The following PPFIBP1 variants were observed in gnomAD, a reference collection of about 807,000 sequenced individuals.
PPFIBP1 encodes the protein PPFIB scaffold protein 1.
Under a neutral mutation model 137.8 loss-of-function variants are expected in PPFIBP1, and 112 were observed. That is an observed-to-expected ratio of 0.81 (90% confidence interval 0.70 to 0.95). PPFIBP1 has a LOEUF of 0.95. PPFIBP1 is among the 40% of genes least tolerant of loss of function. The pLI, the probability that PPFIBP1 is intolerant of heterozygous loss-of-function variation, is 0.00. For synonymous variants in PPFIBP1, 378 were observed against 417.3 expected, an observed-to-expected ratio of 0.91 and a Z score of 1.15; for missense variants, 1,083 against 1,196.6, an observed-to-expected ratio of 0.91 and a Z score of 1.40.
chr12:27,604,108 A>G (rs1300829926), intron 2 of PPFIBP1, among the ~76,000 whole-genome samples: 3 of 152,152 alleles, frequency 2.0e-5, no homozygotes, highest in Admixed American at 2.0e-4. Flanking sequence ...GGTGGAAGTA[A>G]GAGGTGGAAA....
intron 2 of PPFIBP1, among the ~76,000 whole-genome samples, chr12:27,591,918 C>A (rs886208559): frequency 1.3e-5 from 2 of 152,238 alleles, no homozygotes; most frequent in African/African-American, 2.4e-5. Flanking sequence ...TCAAGCCCTG[C>A]AAGTTCAAGC....
intron 1 of PPFIBP1, among the ~76,000 whole-genome samples, chr12:27,533,892 G>A (rs57790478): frequency 0.013 from 1,944 of 152,276 alleles, 39 homozygotes; most frequent in African/African-American, 0.044. Context: ...GAAGCACAAC[G>A]TAAGTGAACT....
chr12:27,545,168 G>A (rs1946099426), intron 1 of PPFIBP1, among the ~76,000 whole-genome samples: 1 of 151,850 alleles, frequency 6.6e-6, no homozygotes, highest in Non-Finnish European at 1.5e-5. Context: ...TCACTCATAA[G>A]TGGAAGTTGA....
At chr12:27,569,561 T>C (rs1175713344) in intron 1 of PPFIBP1, among the ~76,000 whole-genome samples, 1 of 152,136 alleles carries the variant, frequency 6.6e-6, no homozygotes, top group Non-Finnish European at 1.5e-5. Context: ...CATTTTTTTG[T>C]TTGTTTGTTT....
At chr12:27,603,598 A>G (rs1268361391) in intron 2 of PPFIBP1, among the ~76,000 whole-genome samples, 1 of 152,196 alleles carries the variant, frequency 6.6e-6, no homozygotes, top group Non-Finnish European at 1.5e-5. Flanking sequence ...AGGAAGTGTC[A>G]GCATCTGCCA....
At chr12:27,599,728 C>T (rs2053756519) in intron 2 of PPFIBP1, among the ~76,000 whole-genome samples, 1 of 152,174 alleles carries the variant, frequency 6.6e-6, no homozygotes, top group South Asian at 2.1e-4. Flanking sequence ...GGCACAGCAT[C>T]GTTTCTGTGG....
chr12:27,608,414 T>C (rs1195637166), intron 2 of PPFIBP1, among the ~76,000 whole-genome samples: 1 of 152,232 alleles, frequency 6.6e-6, no homozygotes, highest in Non-Finnish European at 1.5e-5. Flanking sequence ...TACTGTGCTT[T>C]CTGTTATAGG....
intron 1 of PPFIBP1, among the ~76,000 whole-genome samples, chr12:27,535,671 T>C (rs184357693): frequency 4.3e-4 from 65 of 152,356 alleles, no homozygotes; most frequent in African/African-American, 1.5e-3. Context: ...GATGCTGGTA[T>C]TGCAGGCGTG....
At chr12:27,527,679 G>A (rs998333553) in intron 1 of PPFIBP1, among the ~76,000 whole-genome samples, 7 of 151,992 alleles carry the variant, frequency 4.6e-5, no homozygotes, top group African/African-American at 7.3e-5. Context: ...AAGAAACGTC[G>A]CTTCAAGGCG....
At position 27,661,519 on chromosome 12, in the gene PPFIBP1, G is replaced by A. The variant is rs375637750; in HGVS notation, c.906+574G>A. Reference sequence around the variant, plus strand: ...TCTTGTTATCCACATGTGATGTTTCGTCCTGCTAAGGGCAGGGATGCAGTT... The same window carrying A: ...TCTTGTTATCCACATGTGATGTTTCATCCTGCTAAGGGCAGGGATGCAGTT... On this transcript the variant is annotated intron_variant, in intron 11 of 29. Coordinates refer to ENST00000228425, the MANE Select transcript of PPFIBP1 (RefSeq NM_003622.4). Among the ~76,000 whole-genome samples the A allele has an allele frequency of 2.1e-4, 32 of 152,198 alleles. No individual in the cohort carries two copies. In the East Asian group the frequency reaches 4.2e-3, roughly 20 times the overall value.
At chr12:27,607,568 A>G (rs2054648115) in intron 2 of PPFIBP1, among the ~76,000 whole-genome samples, 1 of 152,164 alleles carries the variant, frequency 6.6e-6, no homozygotes, top group Non-Finnish European at 1.5e-5. Flanking sequence ...AAAGTTCCTG[A>G]TTCAGTAGGT....
intron 2 of PPFIBP1, among the ~76,000 whole-genome samples, chr12:27,632,103 T>A (rs896414603): frequency 2.6e-5 from 4 of 152,192 alleles, no homozygotes; most frequent in African/African-American, 9.7e-5. Flanking sequence ...GGTAGTGATA[T>A]TTTTCACCTT....
chr12:27,552,453 T>C (rs1013137968), intron 1 of PPFIBP1: 5 of 152,266 alleles, frequency 3.3e-5, no homozygotes, highest in Non-Finnish European at 7.3e-5. Flanking sequence ...GCAACTGTTT[T>C]GGTTAGTTTG....
intron 2 of PPFIBP1, among the ~76,000 whole-genome samples, chr12:27,625,267 G>T (rs202054378): frequency 6.6e-6 from 1 of 151,902 alleles, no homozygotes; most frequent in African/African-American, 2.4e-5. Context: ...TTGTATAGAT[G>T]GATAGAATAG....
intron 12 of PPFIBP1, among the ~76,000 whole-genome samples, chr12:27,664,903 AG>A (rs1205550157): frequency 6.6e-6 from 1 of 152,194 alleles, no homozygotes; most frequent in Non-Finnish European, 1.5e-5. Flanking sequence ...AAAAGTCAGC[AG>A]TGGTCAGGCG....
chr12:27,647,982 G>A lies in PPFIBP1; in HGVS notation c.471+140G>A, dbSNP rs1056955042. On this transcript the variant is annotated intron_variant, in intron 6 of 29. Coordinates refer to ENST00000228425, the MANE Select transcript of PPFIBP1 (RefSeq NM_003622.4). ...CAGCACATTAAAAAAAAAAAATTGA[G>A]AGTAGTAGAGTCTCAAAACACATGC... 11 of 1,107,172 alleles carry A rather than the reference G, an allele frequency of 9.9e-6. No individual in the cohort carries two copies. In the African/African-American group the frequency reaches 1.5e-4, roughly 15 times the overall value. 68.6% of individuals were successfully genotyped at this position (1,107,172 alleles called of 1,614,324 possible).
rs1208383382 is a variant in PPFIBP1 at position 27,643,698 on chromosome 12, A to G, written c.271-2364A>G. The stretch of plus-strand genomic sequence containing the variant: ...AGACAATAGGGTATTTACCTAATGG[A>G]TCTTACTGCCAACATTCTTAATGCA... On this transcript the variant is annotated intron_variant, in intron 4 of 29. Transcript: ENST00000228425. 3.4e-5 allele frequency among the ~76,000 whole-genome samples: 3 copies of G among 88,190 alleles called. No individual in the cohort carries two copies. The East Asian group carries it at 9.0e-4, about 27-fold the overall frequency. The allele number at this position is 88,190 out of a possible 152,430, so 57.9% of individuals were successfully genotyped here. A position where few individuals can be genotyped will look rare whatever the true frequency, so the allele number is the denominator to read the frequency against.
chr12:27,625,709 G>A (rs536970652), intron 2 of PPFIBP1, among the ~76,000 whole-genome samples: 1 of 151,026 alleles, frequency 6.6e-6, no homozygotes, highest in Non-Finnish European at 1.5e-5. Context: ...TTAGCCTCCC[G>A]AGTAGCTGGG....
intron 2 of PPFIBP1, among the ~76,000 whole-genome samples, chr12:27,627,396 AG>A (rs2056908362): frequency 6.6e-6 from 1 of 152,218 alleles, no homozygotes; most frequent in Non-Finnish European, 1.5e-5. Context: ...GCGTTCTACC[AG>A]CATAGTCGAA....
Sources: allele counts gnomAD v4.1 joint callset (sites outside exome capture counted in the v4.1 genomes callset), GRCh38; gene constraint gnomAD v4.1.1; transcripts MANE v1.5; gene names NCBI Gene and HGNC (gene_info 2026-07-23, HGNC 2026-07-21).